The following ALDH2 variants were observed in gnomAD, a reference collection of about 807,000 sequenced individuals.
ALDH2 encodes the protein aldehyde dehydrogenase 2 family member, also known as aldehyde dehydrogenase, mitochondrial.
Under a neutral mutation model 59.6 loss-of-function variants are expected in ALDH2, and 44 were observed. That is an observed-to-expected ratio of 0.74 (90% CI 0.58 to 0.95). The LOEUF (loss-of-function observed/expected upper bound fraction) is 0.95, where lower values mean the gene tolerates loss of function less well. Ranked by LOEUF, ALDH2 falls within the 40% of genes least tolerant of loss-of-function variation. ALDH2 has a pLI of 0.00. For synonymous variants in ALDH2, 291 were observed against 284.0 expected, an observed-to-expected ratio of 1.02 and a Z score of -0.25; for missense variants, 570 against 696.3, an observed-to-expected ratio of 0.82 and a Z score of 2.04.
intron 12 of ALDH2, among the ~76,000 whole-genome samples, chr12:111,807,531 A>G (rs1566197567): frequency 6.6e-6 from 1 of 152,180 alleles, no homozygotes; most frequent in Non-Finnish European, 1.5e-5. Context: ...ATCTTGGCAC[A>G]TGACTAGTGT....
At chr12:111,772,187 G>A (rs893993630) in intron 1 of ALDH2, among the ~76,000 whole-genome samples, 2 of 152,118 alleles carry the variant, frequency 1.3e-5, no homozygotes, top group African/African-American at 2.4e-5. Context: ...GTCCCCTGAT[G>A]TGCCACCCCT....
chr12:111,794,796 T>G (rs1342115202), intron 9 of ALDH2, among the ~76,000 whole-genome samples: 1 of 152,284 alleles, frequency 6.6e-6, no homozygotes, highest in Non-Finnish European at 1.5e-5. Context: ...TGTGAGCCAC[T>G]GTGCCTGGCC....
At chr12:111,779,944 T>G (rs1454544497) in intron 1 of ALDH2, among the ~76,000 whole-genome samples, 1 of 152,152 alleles carries the variant, frequency 6.6e-6, no homozygotes, top group Non-Finnish European at 1.5e-5. Flanking sequence ...CAGGCTGGAG[T>G]GCAATGGCGT....
In ALDH2 at chr12:111,785,356, C is replaced by T. The variant is rs2068302123; in HGVS notation, c.440+10C>T. On this transcript the variant is annotated intron_variant, in intron 4 of 12. Transcript: ENST00000261733. The stretch of plus-strand genomic sequence containing the variant: ...TCCTCAAATGTCTCCGGTATGGGCT[C>T]AGCTTTCCTGTTCTTTGTTCTGGCA... 1 of 1,610,254 alleles carries T rather than the reference C, an allele frequency of 6.2e-7. No individual in the cohort carries two copies. The highest frequency in any genetic ancestry group is 1.3e-5 in the African/African-American group (1 of 74,968).
chr12:111,798,373 T>C, intron 10 of ALDH2, 131 bp downstream of exon 10: 2 of 923,704 alleles, frequency 2.2e-6, no homozygotes, highest in African/African-American at 1.7e-5. Flanking sequence ...CCAGAACCAG[T>C]GCCCATAACA....
At chr12:111,776,495 G>A (rs184158075) in intron 1 of ALDH2, among the ~76,000 whole-genome samples, 69 of 152,048 alleles carry the variant, frequency 4.5e-4, no homozygotes, top group African/African-American at 1.3e-3. Flanking sequence ...GCATGGTGGC[G>A]CACAGCTGTA....
At chr12:111,788,198 G>A (rs895746369) in intron 4 of ALDH2, among the ~76,000 whole-genome samples, 16 of 151,960 alleles carry the variant, frequency 1.1e-4, no homozygotes, top group Non-Finnish European at 1.8e-4. Flanking sequence ...AGACAAGAGC[G>A]AGACTTCGTC....
intron 1 of ALDH2, among the ~76,000 whole-genome samples, chr12:111,780,759 T>C (rs1203447235): frequency 1.3e-5 from 2 of 152,210 alleles, no homozygotes; most frequent in African/African-American, 2.4e-5. Flanking sequence ...TTGGCTGTAC[T>C]GTGTCCTCAG....
intron 4 of ALDH2, among the ~76,000 whole-genome samples, chr12:111,787,856 C>T (rs957039408): frequency 1.3e-5 from 2 of 151,842 alleles, no homozygotes; most frequent in Non-Finnish European, 2.9e-5. Context: ...ACGGTGAAAC[C>T]CCATCTCTAC....
intron 3 of ALDH2, among the ~76,000 whole-genome samples, chr12:111,784,966 C>G (rs577898083): frequency 6.6e-6 from 1 of 152,188 alleles, no homozygotes; most frequent in African/African-American, 2.4e-5. Context: ...GTAAGCTCCA[C>G]GCTGGTCTCT....
intron 12 of ALDH2, among the ~76,000 whole-genome samples, chr12:111,808,653 C>A (rs148410674): frequency 2.0e-5 from 3 of 151,796 alleles, no homozygotes; most frequent in Non-Finnish European, 2.9e-5. Context: ...TGCAGTGAGC[C>A]GAGATTGCGC....
chr12:111,786,438 G>A (rs577147234), intron 4 of ALDH2, among the ~76,000 whole-genome samples: 4 of 152,074 alleles, frequency 2.6e-5, no homozygotes, highest in East Asian at 1.9e-4. Context: ...GGGTTTCACC[G>A]TGTTAGCCAG....
chr12:111,807,479 T>C (rs1053231253), intron 12 of ALDH2, among the ~76,000 whole-genome samples: 1 of 152,148 alleles, frequency 6.6e-6, no homozygotes, highest in Non-Finnish European at 1.5e-5. Flanking sequence ...CTTTGAGTTA[T>C]GACATCGGAT....
chr12:111,794,480 G>A (rs968480487), intron 9 of ALDH2, among the ~76,000 whole-genome samples: 1 of 152,090 alleles, frequency 6.6e-6, no homozygotes, highest in African/African-American at 2.4e-5. Flanking sequence ...GCCTTGCCAT[G>A]GGACAGGGTT....
intron 3 of ALDH2, among the ~76,000 whole-genome samples, chr12:111,783,922 C>A (rs2068291991): frequency 6.6e-6 from 1 of 152,132 alleles, no homozygotes; most frequent in Non-Finnish European, 1.5e-5. Flanking sequence ...TCTCCCTCGG[C>A]CCCTCCATGG....
In ALDH2 at chr12:111,811,704, C is replaced by T. The variant is rs1266084462; in HGVS notation, c.*2129C>T. 1.3e-5 allele frequency: 2 copies of T among 152,320 alleles called. No homozygotes were observed. Among genetic ancestry groups the T allele is most frequent in the Non-Finnish European group, 2.9e-5 (2 of 68,300 alleles). The allele number at this position is 152,320 out of a possible 1,614,324, so 9.4% of individuals were successfully genotyped here. On this transcript the variant is annotated 3_prime_UTR_variant, in exon 13 of 13. Coordinates refer to ENST00000261733, the MANE Select transcript of ALDH2 (RefSeq NM_000690.4). ...GGCCAGGCTGGTGTTGAAGGCCTGA[C>T]CTCAGGTAATCCACCCACCTCTGCC...
In ALDH2 at chr12:111,791,343, G is replaced by A. The variant is rs771107075; in HGVS notation, c.719G>A (p.Gly240Glu). 25 of 1,614,124 alleles carry A rather than the reference G, an allele frequency of 1.5e-5. No homozygotes were observed. In the South Asian group the frequency reaches 2.6e-4, roughly 17 times the overall value. ...CCTGGTGTGGTCAACATTGTGCCTG[G>A]ATTTGGCCCCACGGCTGGGGCCGCC... ...FPPGVVNIVP[G>E]FGPTAGAAIA... The change falls in exon 7 of 13, where the codon GGA (glycine) becomes GAA (glutamate). Residue 240 changes from glycine (G) to glutamate (E), a missense_variant. Transcript: ENST00000261733.
intron 1 of ALDH2, among the ~76,000 whole-genome samples, chr12:111,770,994 G>A (rs1219717755): frequency 6.6e-6 from 1 of 151,866 alleles, no homozygotes; most frequent in Non-Finnish European, 1.5e-5. Context: ...GCCCAGGCTG[G>A]GTCTTGAACT....
At chr12:111,777,798 C>T (rs1389156455) in intron 1 of ALDH2, among the ~76,000 whole-genome samples, 2 of 152,204 alleles carry the variant, frequency 1.3e-5, no homozygotes, top group Non-Finnish European at 2.9e-5. Context: ...ATTGCCACAC[C>T]TGTCCCCACA....
Sources: gnomAD v4.1 joint callset for allele counts (sites outside exome capture counted in the v4.1 genomes callset) on GRCh38, gnomAD v4.1.1 for gene constraint, MANE v1.5 for transcripts, NCBI Gene and HGNC (gene_info 2026-07-23, HGNC 2026-07-21) for gene names.